The following GNG7 variants were observed in gnomAD, a reference collection of about 807,000 sequenced individuals.
GNG7 encodes guanine nucleotide-binding protein G(I)/G(S)/G(O) subunit gamma-7.
A neutral mutation model predicts 4.0 loss-of-function variants in GNG7; 1 was observed. The ratio of observed to expected loss-of-function variants is 0.25; its 90% CI spans 0.09 to 1.18. The LOEUF (loss-of-function observed/expected upper bound fraction) is 1.18. Among genes scored for constraint, GNG7 ranks in the 50% most tolerant of loss-of-function variants. The probability of loss-of-function intolerance (pLI) is 0.50; values close to 1 mark genes in which losing one functional copy is unlikely to be tolerated. For synonymous variants in GNG7, 34 were observed against 36.9 expected (o/e 0.92, Z 0.29); for missense variants, 86 against 91.9 (o/e 0.94, Z 0.26).
chr19:2,640,406 G>A (rs975768463), intron 2 of GNG7, among the ~76,000 whole-genome samples: 5 of 152,116 alleles, frequency 3.3e-5, no homozygotes, highest in East Asian at 1.9e-4. Flanking sequence ...CTTAACGAGC[G>A]TCAAGAATGA....
chr19:2,584,875 GGAGGGATA>G (rs1211881813), intron 2 of GNG7, among the ~76,000 whole-genome samples: 2 of 42,270 alleles, frequency 4.7e-5, no homozygotes, highest in Non-Finnish European at 7.6e-5. Flanking sequence ...AGGGAGGGAG[GGAGGGATA>G]GAGGGAGGGA....
intron 2 of GNG7, among the ~76,000 whole-genome samples, chr19:2,624,693 G>T (rs979372945): frequency 6.6e-6 from 1 of 152,196 alleles, no homozygotes; most frequent in African/African-American, 2.4e-5. Context: ...CAGCCCTGGC[G>T]GCTATTCCTA....
intron 1 of GNG7, among the ~76,000 whole-genome samples, chr19:2,650,497 T>A (rs1982783275): frequency 6.6e-6 from 1 of 152,168 alleles, no homozygotes; most frequent in Admixed American, 6.5e-5. Context: ...CTAGGAATCA[T>A]TTTTAAGATG....
chr19:2,608,593 G>A (rs1981466602), intron 2 of GNG7, among the ~76,000 whole-genome samples: 2 of 152,234 alleles, frequency 1.3e-5, no homozygotes, highest in African/African-American at 4.8e-5. Context: ...ACCTGGAGGA[G>A]CTCCCCTGGC....
rs1263708336 is a variant in GNG7 at position 2,609,723 on chromosome 19, G to A, written c.-78+36501C>T. ...CCAGTCTGTGGCTTGAGGTTACAGAGCCCCAGCAAACCATCACGCTGGGTT... is the reference window on the plus strand; with the variant it reads ...CCAGTCTGTGGCTTGAGGTTACAGAACCCCAGCAAACCATCACGCTGGGTT... On this transcript the variant is annotated intron_variant, in intron 2 of 4. Coordinates refer to ENST00000382159, the MANE Select transcript of GNG7 (RefSeq NM_052847.3). This position sits in a 1 kb window ranked among gnomAD's most constrained non-coding sequence, Gnocchi z 4.4. Among the ~76,000 whole-genome samples, 1 of 152,092 alleles carries A rather than the reference G, an allele frequency of 6.6e-6. No individual in the cohort carries two copies. Among genetic ancestry groups the A allele is most frequent in the Non-Finnish European group, 1.5e-5 (1 of 68,030 alleles).
intron 1 of GNG7, among the ~76,000 whole-genome samples, chr19:2,661,708 A>C (rs1983185808): frequency 6.6e-6 from 1 of 151,436 alleles, no homozygotes; most frequent in African/African-American, 2.4e-5. Flanking sequence ...AAGGAAGGAA[A>C]AAAGGAAAGA....
chr19:2,673,068 A>G (rs1015741929), intron 1 of GNG7, among the ~76,000 whole-genome samples: 1 of 150,928 alleles, frequency 6.6e-6, no homozygotes, highest in Non-Finnish European at 1.5e-5. Context: ...CATCCTGGCT[A>G]ACACGGTGAA....
At chr19:2,605,486 A>C (rs2144816473) in intron 2 of GNG7, among the ~76,000 whole-genome samples, 1 of 142,008 alleles carries the variant, frequency 7.0e-6, no homozygotes, top group East Asian at 2.1e-4. Flanking sequence ...GGTGTGAGCC[A>C]CCACACCTGG....
chr19:2,512,862 G>A lies in GNG7; in HGVS notation c.*2160C>T, dbSNP rs1019919560. 1 of 977,588 alleles carries A rather than the reference G, an allele frequency of 1.0e-6. No individual in the cohort carries two copies. Among genetic ancestry groups the A allele is most frequent in the African/African-American group, 1.7e-5 (1 of 57,218 alleles). 60.6% of individuals were successfully genotyped at this position (977,588 alleles called of 1,614,324 possible). ...GGTCCTCCCAGGGTCTCTGGAACAG[G>A]CTTTTGTCCCTTCCTGCCATTCCTG... On this transcript the variant is annotated 3_prime_UTR_variant, in exon 5 of 5. Coordinates refer to ENST00000382159, the MANE Select transcript of GNG7 (RefSeq NM_052847.3). This position sits in a 1 kb window ranked among gnomAD's most constrained non-coding sequence, Gnocchi z 4.7.
At chr19:2,540,016 TTCTC>T (rs879338023) in intron 3 of GNG7, among the ~76,000 whole-genome samples, 1 of 144,096 alleles carries the variant, frequency 6.9e-6, no homozygotes, top group Non-Finnish European at 1.5e-5. Context: ...TCTTCTTTCT[TTCTC>T]TTTCTCTCTG....
intron 1 of GNG7, among the ~76,000 whole-genome samples, chr19:2,676,736 CAGCT>C (rs1452226775): frequency 6.6e-6 from 1 of 152,140 alleles, no homozygotes; most frequent in African/African-American, 2.4e-5. Flanking sequence ...TTTTCAGGAA[CAGCT>C]AGTTAGTTAT....
rs561294774 is a variant in GNG7, at chr19:2,609,964, G to C, written c.-78+36260C>G. Reference sequence around the variant, plus strand: ...ACGGCCAAGGTCCGTCACTACCACCGAGCACCTGCCAGGCTCCCCACCCAG... The same window carrying C: ...ACGGCCAAGGTCCGTCACTACCACCCAGCACCTGCCAGGCTCCCCACCCAG... On this transcript the variant is annotated intron_variant, in intron 2 of 4. Coordinates refer to ENST00000382159, the MANE Select transcript of GNG7 (RefSeq NM_052847.3). The surrounding 1 kb of genome is among the most constrained non-coding windows in gnomAD (Gnocchi z 4.4). 4.1e-4 allele frequency among the ~76,000 whole-genome samples: 62 copies of C among 151,990 alleles called. No individual in the cohort carries two copies. Among genetic ancestry groups the C allele is most frequent in the Admixed American group, 3.9e-3 (60 of 15,258 alleles).
chr19:2,665,361 T>TGGGG (rs145443709), intron 1 of GNG7, among the ~76,000 whole-genome samples: 2 of 132,850 alleles, frequency 1.5e-5, no homozygotes, highest in African/African-American at 6.0e-5. Context: ...CAGTGTCCCC[T>TGGGG]GGGGGGGGGG....
In GNG7 at chr19:2,511,663, T is replaced by G; in HGVS notation, c.*3359A>C. On this transcript the variant is annotated 3_prime_UTR_variant, in exon 5 of 5. Transcript: ENST00000382159. This position sits in a 1 kb window ranked among gnomAD's most constrained non-coding sequence, Gnocchi z 6.3. ...ACTTGGGCAGGACGGGCTGTTAACTTGGAGATGGATGCGTGGCCTGGAGGC... is the reference window on the plus strand; with the variant it reads ...ACTTGGGCAGGACGGGCTGTTAACTGGGAGATGGATGCGTGGCCTGGAGGC... 8.5e-6 allele frequency: 3 copies of G among 354,204 alleles called. No individual in the cohort carries two copies. The highest frequency in any genetic ancestry group is 1.2e-5 in the Non-Finnish European group (3 of 252,808). 21.9% of individuals were successfully genotyped at this position (354,204 alleles called of 1,614,324 possible).
chr19:2,575,708 GGCAGGCACACGCAGACAC>G (rs1457659833), intron 2 of GNG7, among the ~76,000 whole-genome samples: 1 of 56,660 alleles, frequency 1.8e-5, no homozygotes, highest in Non-Finnish European at 3.1e-5. Flanking sequence ...CACGCAGACA[GGCAGGCACACGCAGACAC>G]GCAGGCACAC....
chr19:2,679,239 T>G (rs1555703302), intron 1 of GNG7, among the ~76,000 whole-genome samples: 1 of 152,034 alleles, frequency 6.6e-6, no homozygotes, highest in Non-Finnish European at 1.5e-5. Context: ...TTTGTAGAGA[T>G]AGAGTCTCAC....
At chr19:2,627,955 AAGG>A (rs1982061576) in intron 2 of GNG7, among the ~76,000 whole-genome samples, 1 of 152,234 alleles carries the variant, frequency 6.6e-6, no homozygotes, top group Admixed American at 6.5e-5. Context: ...GATCTTAATG[AAGG>A]AGGTGACGGT....
rs114557066 is a variant in GNG7 at position 2,518,722 on chromosome 19, G to A, written c.81+1886C>T. 9.9e-4 allele frequency among the ~76,000 whole-genome samples: 151 copies of A among 152,300 alleles called. 1 individual carries two copies. The highest frequency in any genetic ancestry group is 3.4e-3 in the African/African-American group (143 of 41,578). ...GGAGAGCTGAGTTCTGAGTGGATAC[G>A]TGGGGTGATGGCTGATTTTATGGGT... is the stretch of plus-strand genomic sequence containing the variant. On this transcript the variant is annotated intron_variant, in intron 4 of 4. Coordinates refer to ENST00000382159, the MANE Select transcript of GNG7 (RefSeq NM_052847.3).
intron 2 of GNG7, among the ~76,000 whole-genome samples, chr19:2,575,103 TA>T (rs989393133): frequency 1.9e-4 from 28 of 151,184 alleles, no homozygotes; most frequent in African/African-American, 6.8e-4. Flanking sequence ...TTTTTTTTTT[TA>T]GATGGGGTCT....
Sources: gnomAD v4.1 joint callset for allele counts (sites outside exome capture counted in the v4.1 genomes callset) on GRCh38, gnomAD v4.1.1 for gene constraint, Gnocchi (gnomAD v3.1) non-coding constraint, MANE v1.5 for transcripts, NCBI Gene and HGNC (gene_info 2026-07-23, HGNC 2026-07-21) for gene names.